The following SLC2A14 variants were observed in gnomAD, a reference collection of about 807,000 sequenced individuals.
SLC2A14 encodes solute carrier family 2, facilitated glucose transporter member 14.
Under a neutral mutation model 43.0 loss-of-function variants are expected in SLC2A14, and 13 were observed. The ratio of observed to expected loss-of-function variants is 0.30; its 90% CI spans 0.20 to 0.48. SLC2A14 has a LOEUF of 0.48. SLC2A14 is among the 20% of genes least tolerant of loss of function. SLC2A14 has a pLI of 0.99. For synonymous variants in SLC2A14, 190 were observed against 233.8 expected (o/e 0.81, Z 1.71); for missense variants, 428 against 620.4 (o/e 0.69, Z 3.29).
At chr12:7,870,697 A>G (rs754996969) in intron 1 of SLC2A14, 32 of 284,994 alleles carry the variant, frequency 1.1e-4, no homozygotes, top group Admixed American at 3.3e-4. Context: ...CTTATCTTCT[A>G]GGTCATTCAC....
At chr12:7,851,449 T>C (rs1273927276) in intron 2 of SLC2A14, among the ~76,000 whole-genome samples, 1 of 152,288 alleles carries the variant, frequency 6.6e-6, no homozygotes, top group East Asian at 1.9e-4. Flanking sequence ...TTTTGGAGCC[T>C]TTCCCTGGTT....
intron 2 of SLC2A14, among the ~76,000 whole-genome samples, chr12:7,837,638 C>CAAAAAAAAAAA (rs557069415): frequency 0.015 from 773 of 52,638 alleles, 136 homozygotes; most frequent in African/African-American, 0.058. Context: ...AACTTCGTCT[C>CAAAAAAAAAAA]AAAAAAAAAA....
intron 2 of SLC2A14, among the ~76,000 whole-genome samples, chr12:7,868,952 C>G (rs971234145): frequency 6.6e-5 from 10 of 152,072 alleles, no homozygotes; most frequent in African/African-American, 2.4e-4. Context: ...CAAGACCAGC[C>G]TGACCAACAT....
rs751905312 is a variant in SLC2A14 at position 7,845,762 on chromosome 12, C to G, written c.19-12948G>C. On this transcript the variant is annotated intron_variant, in intron 2 of 10. Coordinates refer to ENST00000431042, the MANE Select transcript of SLC2A14 (RefSeq NM_001286234.2). ...CCACTGCACTCCAGCCTGGGCGACACAGCGAGACTCCATCTCAAAAAAAAA... is the reference window on the plus strand; with the variant it reads ...CCACTGCACTCCAGCCTGGGCGACAGAGCGAGACTCCATCTCAAAAAAAAA... Among the ~76,000 whole-genome samples the G allele has an allele frequency of 1.1e-3, 127 of 113,688 alleles. 1 individual carries two copies. Among genetic ancestry groups the G allele is most frequent in the African/African-American group, 3.9e-3 (115 of 29,242 alleles). The allele number at this position is 113,688 out of a possible 152,430, so 74.6% of individuals were successfully genotyped here.
At chr12:7,821,906 C>T (rs1416045482) in intron 7 of SLC2A14, among the ~76,000 whole-genome samples, 5 of 148,600 alleles carry the variant, frequency 3.4e-5, no homozygotes, top group Non-Finnish European at 5.9e-5. Context: ...CTCACTGCAA[C>T]CTCTACCTCC....
chr12:7,832,149 C>T (rs1672713978), intron 3 of SLC2A14, among the ~76,000 whole-genome samples: 1 of 152,160 alleles, frequency 6.6e-6, no homozygotes, highest in African/African-American at 2.4e-5. Context: ...GGATCATTTC[C>T]TCCCTAGAGA....
chr12:7,882,694 C>T (rs1393598697), intron 1 of SLC2A14, among the ~76,000 whole-genome samples: 1 of 151,904 alleles, frequency 6.6e-6, no homozygotes, highest in African/African-American at 2.4e-5. Flanking sequence ...AAAGTTAGTC[C>T]AGCATAGTGG....
chr12:7,828,900 C>T, intron 5 of SLC2A14, 34 bp from the exon 6 acceptor site: 3 of 1,601,306 alleles, frequency 1.9e-6, no homozygotes, highest in Non-Finnish European at 2.6e-6. Flanking sequence ...CTATAAACCC[C>T]ATACTTCACA....
At chr12:7,872,456 A>G (rs1036128713) in intron 1 of SLC2A14, 3 of 152,014 alleles carry the variant, frequency 2.0e-5, no homozygotes, top group African/African-American at 7.3e-5. Flanking sequence ...CCCTAGCCCT[A>G]CTACATTTTT....
At chr12:7,836,772 A>AT (rs1396641705) in intron 2 of SLC2A14, among the ~76,000 whole-genome samples, 2 of 151,702 alleles carry the variant, frequency 1.3e-5, no homozygotes, top group African/African-American at 4.8e-5. Flanking sequence ...GGAGGCGGAC[A>AT]TTACAGTGAG....
chr12:7,841,389 C>T (rs1469768065), intron 2 of SLC2A14, among the ~76,000 whole-genome samples: 1 of 152,018 alleles, frequency 6.6e-6, no homozygotes, highest in Non-Finnish European at 1.5e-5. Flanking sequence ...GCCTCCCAAG[C>T]AGCTGGGATT....
At chr12:7,859,871 A>C (rs11056193) in intron 2 of SLC2A14, among the ~76,000 whole-genome samples, 40,261 of 151,880 alleles carry the variant, frequency 0.27, 5,776 homozygotes, top group Middle Eastern at 0.34. Context: ...CTAACTTGAA[A>C]GATCAAGAAG....
At chr12:7,838,786 A>G (rs898652478) in intron 2 of SLC2A14, among the ~76,000 whole-genome samples, 5 of 152,244 alleles carry the variant, frequency 3.3e-5, no homozygotes, top group Admixed American at 2.0e-4. Context: ...CCTAAAATTC[A>G]TATGTTGAAG....
intron 1 of SLC2A14, among the ~76,000 whole-genome samples, chr12:7,885,501 A>T (rs2121120693): frequency 6.6e-6 from 1 of 152,058 alleles, no homozygotes; most frequent in East Asian, 1.9e-4. Context: ...CAATTTTCTG[A>T]ATGTTAATGT....
In SLC2A14 at chr12:7,826,834, T is replaced by TTTCCTTCCTTCCTTCCTTCCTTCCTTCC. The variant is rs71038778; in HGVS notation, c.864+660_864+661insGGAAGGAAGGAAGGAAGGAAGGAAGGAA. Among the ~76,000 whole-genome samples, 10 of 29,622 alleles carry TTTCCTTCCTTCCTTCCTTCCTTCCTTCC rather than the reference T, an allele frequency of 3.4e-4. 2 individuals carry two copies. The highest frequency in any genetic ancestry group is 1.2e-3 in the African/African-American group (10 of 8,628). The allele number at this position is 29,622 out of a possible 152,430, so 19.4% of individuals were successfully genotyped here. ...TCGCTCTTTTTTCTTTCTTTCTTTC[T>TTTCCTTCCTTCCTTCCTTCCTTCCTTCC]TTCCTTCCTTCCTTCCTTCCTTTCT... On this transcript the variant is annotated intron_variant, in intron 7 of 10. Coordinates refer to ENST00000431042, the MANE Select transcript of SLC2A14 (RefSeq NM_001286234.2).
chr12:7,885,878 G>A (rs771897611), intron 1 of SLC2A14, among the ~76,000 whole-genome samples: 11 of 152,076 alleles, frequency 7.2e-5, no homozygotes, highest in East Asian at 1.9e-4. Context: ...TCATGGTAAG[G>A]TCATTGATGA....
chr12:7,859,119 T>C (rs1339547585), intron 2 of SLC2A14, among the ~76,000 whole-genome samples: 7 of 152,166 alleles, frequency 4.6e-5, no homozygotes, highest in Non-Finnish European at 2.9e-5. Context: ...CTGGGCGTGA[T>C]GGCTGGTGCC....
intron 2 of SLC2A14, among the ~76,000 whole-genome samples, chr12:7,843,045 T>A (rs144052157): frequency 2.0e-4 from 31 of 152,134 alleles, no homozygotes; most frequent in Non-Finnish European, 4.3e-4. Context: ...TGTTTTAATA[T>A]AGGCATGCAA....
chr12:7,872,256 G>C (rs1265438386), intron 1 of SLC2A14: 1 of 152,092 alleles, frequency 6.6e-6, no homozygotes, highest in Admixed American at 6.6e-5. Context: ...TGATGCACCC[G>C]CACAGCACTT....
Sources: gnomAD v4.1 joint callset for allele counts (sites outside exome capture counted in the v4.1 genomes callset) on GRCh38, gnomAD v4.1.1 for gene constraint, MANE v1.5 for transcripts, NCBI Gene and HGNC (gene_info 2026-07-23, HGNC 2026-07-21) for gene names.